KCMF1: variants seen among roughly 807,000 people sequenced by gnomAD.
KCMF1 encodes the protein E3 ubiquitin-protein ligase KCMF1.
KCMF1 carries 3 observed loss-of-function variants against 41.1 expected under a neutral mutation model. The observed-to-expected ratio is 0.07, with a 90% CI of 0.03 to 0.19. The LOEUF (loss-of-function observed/expected upper bound fraction) is 0.19. Ranked by LOEUF, KCMF1 falls within the 10% of genes least tolerant of loss-of-function variation. The pLI is 1.00. For missense variants in KCMF1, 286 were observed against 488.9 expected, an observed-to-expected ratio of 0.58 and a Z score of 3.91; for synonymous variants, 142 against 164.5, an observed-to-expected ratio of 0.86 and a Z score of 1.04.
intron 1 of KCMF1, among the ~76,000 whole-genome samples, chr2:85,013,553 A>G (rs1674696947): frequency 6.6e-6 from 1 of 152,070 alleles, no homozygotes; most frequent in African/African-American, 2.4e-5. Context: ...TAATCCCAGC[A>G]CTTTGGGAGG....
chr2:85,047,963 A>G (rs886923545), intron 5 of KCMF1, among the ~76,000 whole-genome samples: 1 of 152,200 alleles, frequency 6.6e-6, no homozygotes, highest in African/African-American at 2.4e-5. Context: ...GGGGGAGGGT[A>G]GCAAGAGAGA....
At chr2:85,045,980 A>T in intron 4 of KCMF1, 124 bp from the exon 5 acceptor site, 1 of 776,256 alleles carries the variant, frequency 1.3e-6, no homozygotes, top group Non-Finnish European at 2.0e-6. Flanking sequence ...TTGCACTTTA[A>T]GTTAAATGTG....
At chr2:85,051,953 T>G (rs892605562) in intron 6 of KCMF1, among the ~76,000 whole-genome samples, 3 of 152,244 alleles carry the variant, frequency 2.0e-5, no homozygotes, top group South Asian at 2.1e-4. Context: ...TTTTGGTCTT[T>G]TCTTTGACCA....
intron 2 of KCMF1, among the ~76,000 whole-genome samples, chr2:85,034,547 G>A (rs1301059711): frequency 6.6e-6 from 1 of 152,188 alleles, no homozygotes; most frequent in Non-Finnish European, 1.5e-5. Flanking sequence ...GCTATCTGGG[G>A]AAGGAATTTT....
chr2:85,024,585 TGTGTGTGTGTGTGTGTGTGTGCGC>T (rs1239364433), intron 1 of KCMF1, among the ~76,000 whole-genome samples: 2 of 85,206 alleles, frequency 2.3e-5, no homozygotes, highest in Non-Finnish European at 6.7e-5. Flanking sequence ...AGAGAGAGAG[TGTGTGTGTGTGTGTGTGTGTGCGC>T]GTGTGTGTGT....
chr2:85,014,426 T>C (rs890825605), intron 1 of KCMF1, among the ~76,000 whole-genome samples: 2 of 152,200 alleles, frequency 1.3e-5, no homozygotes, highest in Non-Finnish European at 2.9e-5. Flanking sequence ...TAATGGCTCT[T>C]TGCCTTTGGA....
rs1182595403 is a variant in KCMF1 at position 84,971,463 on chromosome 2, T to G, written c.12T>G (p.His4Gln). 3.9e-6 allele frequency: 5 copies of G among 1,270,326 alleles called. No individual in the cohort carries two copies. The highest frequency in any genetic ancestry group is 1.6e-5 in the African/African-American group (1 of 63,072). 78.7% of individuals were successfully genotyped at this position (1,270,326 alleles called of 1,614,324 possible). ...CCGTCTGAACTAGGATGTCCCGACA[T>G]GAAGGTGAGAGGAGCCCCCGCCCCC... MSRHEGVSCDACLK... is the reference protein window; with the variant it reads MSRQEGVSCDACLK... The change falls in exon 1 of 7, where the codon CAT (histidine) becomes CAG (glutamine). Residue 4 changes from histidine to glutamine, a missense_variant. Around this residue, in one of 2 missense-constraint regions of KCMF1, gnomAD observed 95 missense variants for 209.6 expected, o/e 0.45. Transcript: ENST00000409785.
At chr2:85,046,058 T>C (rs1558586622) in intron 4 of KCMF1, 46 bp from the exon 5 acceptor site, 1 of 1,515,002 alleles carries the variant, frequency 6.6e-7, no homozygotes, top group Admixed American at 2.1e-5. Flanking sequence ...GTGATTTTTT[T>C]TCTTTCTGTG....
At chr2:84,971,919 G>C (rs1475171858) in intron 1 of KCMF1, 1 of 152,018 alleles carries the variant, frequency 6.6e-6, no homozygotes, top group South Asian at 2.1e-4. Context: ...CAAAAGAGCC[G>C]GCCCGGGACC....
intron 1 of KCMF1, among the ~76,000 whole-genome samples, chr2:84,977,371 T>G (rs1193174874): frequency 6.6e-6 from 1 of 152,216 alleles, no homozygotes; most frequent in African/African-American, 2.4e-5. Flanking sequence ...TCAGGTCTTC[T>G]TACAACTTAT....
chr2:84,983,469 G>GGACT (rs1210350583), intron 1 of KCMF1, among the ~76,000 whole-genome samples: 2 of 151,906 alleles, frequency 1.3e-5, no homozygotes, highest in Non-Finnish European at 2.9e-5. Context: ...TAGGACTACA[G>GGACT]ACATGTGCCA....
At chr2:85,052,878 C>A (rs1675840075) in intron 6 of KCMF1, among the ~76,000 whole-genome samples, 1 of 152,262 alleles carries the variant, frequency 6.6e-6, no homozygotes, top group African/African-American at 2.4e-5. Context: ...ACCTAGCTTT[C>A]TCTGGAGTGG....
intron 1 of KCMF1, among the ~76,000 whole-genome samples, chr2:85,016,353 A>G (rs1674768546): frequency 6.6e-6 from 1 of 152,110 alleles, no homozygotes; most frequent in Non-Finnish European, 1.5e-5. Flanking sequence ...TTTTAAAAAT[A>G]TGCGTATATA....
chr2:85,046,392 G>T (rs1675668221), intron 5 of KCMF1, 114 bp downstream of exon 5: 2 of 735,982 alleles, frequency 2.7e-6, no homozygotes, highest in Admixed American at 3.0e-5. Context: ...CACTCTGGGA[G>T]GCTGGAGCGG....
intron 1 of KCMF1, among the ~76,000 whole-genome samples, chr2:85,010,645 A>C (rs184614576): frequency 6.6e-6 from 1 of 152,148 alleles, no homozygotes; most frequent in Non-Finnish European, 1.5e-5. Context: ...ATTACATTTA[A>C]ATAGTGACAT....
intron 5 of KCMF1, among the ~76,000 whole-genome samples, chr2:85,048,876 A>T (rs1675735749): frequency 6.6e-6 from 1 of 152,212 alleles, no homozygotes; most frequent in Non-Finnish European, 1.5e-5. Context: ...ATCAGAAATG[A>T]TCCAGGCCTC....
At chr2:85,029,464 G>T (rs769208457) in intron 2 of KCMF1, among the ~76,000 whole-genome samples, 1 of 151,688 alleles carries the variant, frequency 6.6e-6, no homozygotes, top group Non-Finnish European at 1.5e-5. Flanking sequence ...ATGTGGTGGC[G>T]CACATGCATC....
chr2:85,017,619 G>A (rs1044642651), intron 1 of KCMF1, among the ~76,000 whole-genome samples: 1 of 150,400 alleles, frequency 6.6e-6, no homozygotes, highest in Non-Finnish European at 1.5e-5. Flanking sequence ...GCTGTCAATG[G>A]CAAGTGCTAT....
At chr2:85,003,290 G>A (rs529947140) in intron 1 of KCMF1, among the ~76,000 whole-genome samples, 47 of 152,090 alleles carry the variant, frequency 3.1e-4, no homozygotes, top group African/African-American at 9.9e-4. Context: ...TGGCTAACAC[G>A]GTGAAACCCC....
Sources: allele counts gnomAD v4.1 joint callset (sites outside exome capture counted in the v4.1 genomes callset), GRCh38; gene constraint gnomAD v4.1.1; regional missense constraint gnomAD v4.1.1; transcripts MANE v1.5; gene names NCBI Gene and HGNC (gene_info 2026-07-23, HGNC 2026-07-21).